The following PBX1 variants were observed in gnomAD, a reference collection of about 807,000 sequenced individuals.
The protein encoded by PBX1 is PBX homeobox 1.
A neutral mutation model predicts 53.4 loss-of-function variants in PBX1; 6 were observed. The observed-to-expected ratio is 0.11, with a 90% CI of 0.06 to 0.22. The LOEUF (loss-of-function observed/expected upper bound fraction) is 0.22, where lower values mean the gene tolerates loss of function less well. Among genes scored for constraint, PBX1 ranks in the 10% least tolerant of loss-of-function variants. The pLI, the probability that PBX1 is intolerant of heterozygous loss-of-function variation, is 1.00. For missense variants in PBX1, 251 were observed against 551.4 expected (o/e 0.46, Z 5.46); for synonymous variants, 204 against 212.3 (o/e 0.96, Z 0.34).
At chr1:164,575,289 TTC>T (rs1170352749) in intron 2 of PBX1, among the ~76,000 whole-genome samples, 4 of 152,214 alleles carry the variant, frequency 2.6e-5, no homozygotes, top group Non-Finnish European at 4.4e-5. Flanking sequence ...CTGAAATAAT[TTC>T]TGTTTCCCAC....
At chr1:164,741,124 G>C (rs545950217) in intron 2 of PBX1, among the ~76,000 whole-genome samples, 91 of 152,304 alleles carry the variant, frequency 6.0e-4, no homozygotes, top group African/African-American at 2.1e-3. Flanking sequence ...GGTATAGATT[G>C]TGAAGCACAT....
chr1:164,675,693 T>G (rs1272197065), intron 2 of PBX1, among the ~76,000 whole-genome samples: 2 of 152,206 alleles, frequency 1.3e-5, no homozygotes, highest in African/African-American at 2.4e-5. Flanking sequence ...CATACCATTA[T>G]GAATAAGCTC....
At chr1:164,801,903 A>T (rs1669095894) in intron 4 of PBX1, among the ~76,000 whole-genome samples, 1 of 152,242 alleles carries the variant, frequency 6.6e-6, no homozygotes, top group Non-Finnish European at 1.5e-5. Flanking sequence ...TCTGCCAGAC[A>T]TCCTGATTGG....
intron 2 of PBX1, among the ~76,000 whole-genome samples, chr1:164,594,528 G>T (rs1655623467): frequency 6.6e-6 from 1 of 152,130 alleles, no homozygotes; most frequent in African/African-American, 2.4e-5. Context: ...TGATCCTCCT[G>T]CCTTGGCCTC....
At chr1:164,659,112 A>G (rs1009523079) in intron 2 of PBX1, among the ~76,000 whole-genome samples, 1 of 152,212 alleles carries the variant, frequency 6.6e-6, no homozygotes, top group Non-Finnish European at 1.5e-5. Flanking sequence ...CTTTTTCCCT[A>G]CAATGAACAA....
Position 164,870,266 on chromosome 1 carries a change from CTTCTTTCTTTCTTTCTTTCTTTCT to C in PBX1, n.258-28850_258-28827del, listed in dbSNP as rs1162744857. 3.4e-3 allele frequency among the ~76,000 whole-genome samples: 154 copies of C among 45,096 alleles called. 1 individual carries two copies. The highest frequency in any genetic ancestry group is 5.4e-3 in the African/African-American group (77 of 14,184). The allele number at this position is 45,096 out of a possible 152,430, so 29.6% of individuals were successfully genotyped here. ...CCTTCCTTCCTTCCTTCCTTCCTTC[CTTCTTTCTTTCTTTCTTTCTTTCT>C]TTCTTTCTTTCTTTCTTTCTTTCTT... is the stretch of plus-strand genomic sequence containing the variant. On this transcript the variant is annotated intron_variant and non_coding_transcript_variant, in intron 2 of 2. Transcript: ENST00000558796.
intron 2 of PBX1, chr1:164,769,213 A>G (rs1429289714): frequency 2.0e-5 from 3 of 152,200 alleles, no homozygotes; most frequent in Non-Finnish European, 4.4e-5. Flanking sequence ...AGAGTGGATC[A>G]TGAAGAATCT....
chr1:164,776,096 C>A (rs554902758), intron 2 of PBX1, among the ~76,000 whole-genome samples: 2 of 152,156 alleles, frequency 1.3e-5, no homozygotes, highest in East Asian at 3.9e-4. Flanking sequence ...CCTGTCTGGC[C>A]CATAGTAACC....
At chr1:164,870,191 A>ACTTACTTT (rs1553255660) in intron 2 of PBX1, among the ~76,000 whole-genome samples, 2 of 126,408 alleles carry the variant, frequency 1.6e-5, no homozygotes, top group African/African-American at 5.7e-5. Flanking sequence ...TTCTCTATTG[A>ACTTACTTT]CTTTCTTTCT....
intron 2 of PBX1, among the ~76,000 whole-genome samples, chr1:164,869,314 G>A (rs1452971155): frequency 6.6e-6 from 1 of 152,192 alleles, no homozygotes; most frequent in Non-Finnish European, 1.5e-5. Flanking sequence ...CCATCTGCCT[G>A]TTTCTGCTCT....
intron 5 of PBX1, among the ~76,000 whole-genome samples, chr1:164,807,941 T>G (rs535886982): frequency 6.6e-6 from 1 of 152,328 alleles, no homozygotes; most frequent in Non-Finnish European, 1.5e-5. Flanking sequence ...GTTCTTCCCA[T>G]CGAGCACTCC....
chr1:164,735,308 C>T (rs969559718), intron 2 of PBX1, among the ~76,000 whole-genome samples: 4 of 152,106 alleles, frequency 2.6e-5, no homozygotes, highest in African/African-American at 7.2e-5. Flanking sequence ...ATGTATTATG[C>T]GTCTATAAAA....
chr1:164,865,044 A>G (rs1672184158), intron 2 of PBX1, among the ~76,000 whole-genome samples: 1 of 152,238 alleles, frequency 6.6e-6, no homozygotes, highest in Non-Finnish European at 1.5e-5. Context: ...GACAGTCACC[A>G]TGGTTATAAT....
Position 164,782,461 on chromosome 1 carries a change from C to G in PBX1, c.266-10033C>G, listed in dbSNP as rs561397213. Among the ~76,000 whole-genome samples, 5 of 152,250 alleles carry G rather than the reference C, an allele frequency of 3.3e-5. No homozygotes were observed. The East Asian group carries it at 9.6e-4, about 29-fold the overall frequency. ...AGTGGTAGGTCTCGTCTCCTGTGATCTGTAGAACTGGAAGTAATCATGGAT... is the reference window on the plus strand; with the variant it reads ...AGTGGTAGGTCTCGTCTCCTGTGATGTGTAGAACTGGAAGTAATCATGGAT... On this transcript the variant is annotated intron_variant, in intron 2 of 8. Coordinates refer to ENST00000420696, the MANE Select transcript of PBX1 (RefSeq NM_002585.4).
At chr1:164,862,956 C>A (rs1332506582) in intron 2 of PBX1, among the ~76,000 whole-genome samples, 2 of 152,186 alleles carry the variant, frequency 1.3e-5, no homozygotes, top group Non-Finnish European at 1.5e-5. Context: ...ACTTGACTTT[C>A]CAGTTCTTAA....
intron 2 of PBX1, among the ~76,000 whole-genome samples, chr1:164,678,637 T>C (rs1441533818): frequency 1.3e-5 from 2 of 152,186 alleles, no homozygotes; most frequent in Non-Finnish European, 2.9e-5. Context: ...ATTTAACCTA[T>C]GTCTTGTAAT....
intron 2 of PBX1, among the ~76,000 whole-genome samples, chr1:164,790,510 C>T (rs991732017): frequency 1.3e-5 from 2 of 152,062 alleles, no homozygotes; most frequent in East Asian, 1.9e-4. Context: ...TTCTTTTCTC[C>T]TTCCCAGCTA....
chr1:164,723,965 T>C (rs556963854), intron 2 of PBX1, among the ~76,000 whole-genome samples: 2 of 152,310 alleles, frequency 1.3e-5, no homozygotes, highest in East Asian at 3.9e-4. Context: ...TTCCAAATAA[T>C]ATAATCTGCA....
At chr1:164,773,692 C>T (rs1667502288) in intron 2 of PBX1, among the ~76,000 whole-genome samples, 1 of 152,134 alleles carries the variant, frequency 6.6e-6, no homozygotes, top group Non-Finnish European at 1.5e-5. Flanking sequence ...ACTGCATGGG[C>T]CATGACTCTC....
Sources: gnomAD v4.1 joint callset for allele counts (sites outside exome capture counted in the v4.1 genomes callset) on GRCh38, gnomAD v4.1.1 for gene constraint, MANE v1.5 for transcripts, NCBI Gene and HGNC (gene_info 2026-07-23, HGNC 2026-07-21) for gene names.